The following USP31 variants were observed in gnomAD, a reference collection of about 807,000 sequenced individuals.
The protein encoded by USP31 is ubiquitin carboxyl-terminal hydrolase 31.
A neutral mutation model predicts 119.4 loss-of-function variants in USP31; 44 were observed. The observed-to-expected ratio is 0.37, with a 90% CI of 0.29 to 0.47. The LOEUF (loss-of-function observed/expected upper bound fraction) is 0.47, where lower values mean the gene tolerates loss of function less well. Among genes scored for constraint, USP31 ranks in the 20% least tolerant of loss-of-function variants. USP31 has a pLI of 0.99. For synonymous variants in USP31, 749 were observed against 705.6 expected, an observed-to-expected ratio of 1.06 and a Z score of -0.97; for missense variants, 1,643 against 1,730.2, an observed-to-expected ratio of 0.95 and a Z score of 0.89.
rs751654487 is a variant in USP31 at position 23,067,365 on chromosome 16, G to A, written c.*681C>T. The A allele has an allele frequency of 5.2e-5, 8 of 152,622 alleles. No homozygotes were observed. Among genetic ancestry groups the A allele is most frequent in the Non-Finnish European group, 8.8e-5 (6 of 68,046 alleles). 9.5% of individuals were successfully genotyped at this position (152,622 alleles called of 1,614,324 possible). A position where few individuals can be genotyped will look rare whatever the true frequency, so the allele number is the denominator to read the frequency against. ...TGGTGAAAGGCTTCATTTCTACCTC[G>A]AAAATGTCTATCTGTGGCAGTAGGA... On this transcript the variant is annotated 3_prime_UTR_variant, in exon 16 of 16. Transcript: ENST00000219689.
intron 12 of USP31, among the ~76,000 whole-genome samples, chr16:23,081,655 T>C (rs760134104): frequency 5.9e-5 from 9 of 152,206 alleles, no homozygotes; most frequent in Non-Finnish European, 1.2e-4. Context: ...TAACCCTTCA[T>C]CGGAATCCTA....
rs551064672 is a variant in USP31 at position 23,119,419 on chromosome 16, T to A, written c.634-11236A>T. ...GGCCAATTACCACTATTGTTCAACC[T>A]CAGCTGATTAAAAAAGCTTTAAAAT... is the stretch of plus-strand genomic sequence containing the variant. On this transcript the variant is annotated intron_variant, in intron 1 of 15. Transcript: ENST00000219689. Among the ~76,000 whole-genome samples, 6 of 152,290 alleles carry A rather than the reference T, an allele frequency of 3.9e-5. No individual in the cohort carries two copies. In the South Asian group the frequency reaches 1.2e-3, roughly 32 times the overall value.
At chr16:23,095,891 C>T (rs1374278588) in intron 6 of USP31, among the ~76,000 whole-genome samples, 1 of 152,198 alleles carries the variant, frequency 6.6e-6, no homozygotes, top group Non-Finnish European at 1.5e-5. Context: ...ATTGCAAAAA[C>T]ATGCCAAATT....
At chr16:23,086,974 C>T (rs750421575) in intron 9 of USP31, 118 bp downstream of exon 9, 26 of 699,276 alleles carry the variant, frequency 3.7e-5, no homozygotes, top group Admixed American at 1.6e-4. Flanking sequence ...TACTTAATTT[C>T]GAAATAAGCC....
intron 1 of USP31, among the ~76,000 whole-genome samples, chr16:23,114,176 C>A (rs1902414306): frequency 6.6e-6 from 1 of 151,870 alleles, no homozygotes; most frequent in Non-Finnish European, 1.5e-5. Flanking sequence ...TGCAGAGGAA[C>A]TGGCCTTAAA....
chr16:23,128,972 G>C (rs1567245479), intron 1 of USP31, among the ~76,000 whole-genome samples: 1 of 152,194 alleles, frequency 6.6e-6, no homozygotes, highest in Admixed American at 6.5e-5. Context: ...GAAATTGAGA[G>C]TAAGCATTTA....
intron 6 of USP31, among the ~76,000 whole-genome samples, chr16:23,095,584 AG>A (rs1190118051): frequency 3.9e-5 from 6 of 152,248 alleles, no homozygotes; most frequent in African/African-American, 1.4e-4. Flanking sequence ...AAAAATGTTA[AG>A]GGCAGCCAGA....
At chr16:23,072,619 C>T (rs1270970994) in intron 14 of USP31, 1 of 451,458 alleles carries the variant, frequency 2.2e-6, no homozygotes, top group Non-Finnish European at 3.9e-6. Context: ...GCAGTATACT[C>T]TTTTTCTCTC....
At chr16:23,092,261 C>T (rs1021667292) in intron 6 of USP31, among the ~76,000 whole-genome samples, 2 of 152,338 alleles carry the variant, frequency 1.3e-5, no homozygotes, top group African/African-American at 4.8e-5. Context: ...CCTTTGGATT[C>T]ACCAAATTCA....
At chr16:23,074,674 T>C (rs138573800) in intron 13 of USP31, among the ~76,000 whole-genome samples, 202 of 152,244 alleles carry the variant, frequency 1.3e-3, no homozygotes, top group Non-Finnish European at 2.5e-3. Context: ...TCCATGGAAG[T>C]TCCCTGGCAG....
intron 1 of USP31, among the ~76,000 whole-genome samples, chr16:23,147,240 C>A: frequency 6.6e-6 from 1 of 152,094 alleles, no homozygotes; most frequent in Non-Finnish European, 1.5e-5. Flanking sequence ...TCCTGAGTAG[C>A]CAGGATAACA....
At chr16:23,098,749 T>C (rs1330537001) in intron 6 of USP31, among the ~76,000 whole-genome samples, 1 of 152,200 alleles carries the variant, frequency 6.6e-6, no homozygotes, top group Non-Finnish European at 1.5e-5. Flanking sequence ...TAAATGGTGC[T>C]GGGAAAACTG....
chr16:23,124,611 T>C (rs1902787096), intron 1 of USP31, among the ~76,000 whole-genome samples: 1 of 152,178 alleles, frequency 6.6e-6, no homozygotes, highest in Non-Finnish European at 1.5e-5. Flanking sequence ...TAGAGCATCA[T>C]GGCCGGGCAT....
intron 1 of USP31, among the ~76,000 whole-genome samples, chr16:23,126,608 C>A (rs1902864696): frequency 6.9e-6 from 1 of 144,480 alleles, no homozygotes. Flanking sequence ...GCCTGGGCAA[C>A]AGAGCAAGAC....
chr16:23,097,081 T>C (rs1901645771), intron 6 of USP31, among the ~76,000 whole-genome samples: 1 of 151,444 alleles, frequency 6.6e-6, no homozygotes, highest in Non-Finnish European at 1.5e-5. Flanking sequence ...ATCAACAAAA[T>C]TGATAGACCG....
At chr16:23,072,460 G>T (rs192811090) in intron 14 of USP31, 53 of 598,050 alleles carry the variant, frequency 8.9e-5, no homozygotes, top group Admixed American at 6.8e-4. Context: ...ACTTTATAAT[G>T]TAAGTCTGAG....
chr16:23,090,201 A>G (rs1901290026), intron 7 of USP31, among the ~76,000 whole-genome samples: 1 of 152,304 alleles, frequency 6.6e-6, no homozygotes, highest in Admixed American at 6.5e-5. Context: ...CCTGACCAAC[A>G]TGGTGAAACC....
chr16:23,074,897 T>C (rs1900497262), intron 13 of USP31, among the ~76,000 whole-genome samples: 1 of 152,214 alleles, frequency 6.6e-6, no homozygotes, highest in South Asian at 2.1e-4. Context: ...AATATGCATT[T>C]ATTTGGGGTG....
chr16:23,085,606 CACTCG>C lies in USP31; in HGVS notation c.1674_1678del (p.Glu559GlyfsTer13). ...TCACAAATCTCTTGTCTCCTTGTCCCACTCGACTACTAATTTCACATGAGCAGTGC... is the reference window on the plus strand; with the variant it reads ...TCACAAATCTCTTGTCTCCTTGTCCCACTACTAATTTCACATGAGCAGTGC... On this transcript the variant is annotated frameshift_variant, in exon 10 of 16. Coordinates refer to ENST00000219689, the MANE Select transcript of USP31 (RefSeq NM_020718.4). LOFTEE classifies it high-confidence loss of function. The C allele has an allele frequency of 6.2e-7, 1 of 1,613,976 alleles. No individual in the cohort carries two copies. The highest frequency in any genetic ancestry group is 8.5e-7 in the Non-Finnish European group (1 of 1,179,938).
Sources: gnomAD v4.1 joint callset for allele counts (sites outside exome capture counted in the v4.1 genomes callset) on GRCh38, gnomAD v4.1.1 for gene constraint, MANE v1.5 for transcripts, NCBI Gene and HGNC (gene_info 2026-07-23, HGNC 2026-07-21) for gene names.